The following PAK1 variants were observed in gnomAD, a reference collection of about 807,000 sequenced individuals.
PAK1 encodes the protein serine/threonine-protein kinase PAK 1.
Under a neutral mutation model 67.4 loss-of-function variants are expected in PAK1, and 29 were observed. That is an observed-to-expected ratio of 0.43 (90% CI 0.32 to 0.59). The LOEUF (loss-of-function observed/expected upper bound fraction) is 0.59. Among genes scored for constraint, PAK1 ranks in the 20% least tolerant of loss-of-function variants. The pLI is 0.07. For missense variants in PAK1, 337 were observed against 670.7 expected (o/e 0.50, Z 5.50); for synonymous variants, 223 against 237.4 (o/e 0.94, Z 0.56).
At chr11:77,375,428 T>C (rs1196161610) in intron 4 of PAK1, among the ~76,000 whole-genome samples, 4 of 152,176 alleles carry the variant, frequency 2.6e-5, no homozygotes, top group African/African-American at 9.7e-5. Flanking sequence ...AGAGAGGTAT[T>C]GATCCTGTCA....
At chr11:77,430,586 G>T (rs1955814015) in intron 1 of PAK1, among the ~76,000 whole-genome samples, 1 of 152,138 alleles carries the variant, frequency 6.6e-6, no homozygotes, top group Non-Finnish European at 1.5e-5. Context: ...AAAACAAGTG[G>T]AATAGAGGAA....
chr11:77,410,528 A>G (rs1030608759), intron 1 of PAK1, among the ~76,000 whole-genome samples: 1 of 152,170 alleles, frequency 6.6e-6, no homozygotes, highest in Non-Finnish European at 1.5e-5. Context: ...GTAACCTACT[A>G]ATAATAAGAA....
intron 1 of PAK1, among the ~76,000 whole-genome samples, chr11:77,462,928 G>C (rs888717982): frequency 8.3e-6 from 1 of 120,884 alleles, no homozygotes; most frequent in Non-Finnish European, 1.6e-5. Context: ...CTCAATCAAA[G>C]TGCCTACTAT....
intron 1 of PAK1, among the ~76,000 whole-genome samples, chr11:77,461,556 A>G (rs1253915564): frequency 3.9e-5 from 6 of 152,244 alleles, no homozygotes; most frequent in Non-Finnish European, 7.3e-5. Flanking sequence ...AAATTTTACA[A>G]TGAAGACTAA....
chr11:77,504,463 G>C, the PAK1 span, among the ~76,000 whole-genome samples: 4 of 152,144 alleles, frequency 2.6e-5, no homozygotes, highest in Admixed American at 2.0e-4. Context: ...GAAAAGGCAG[G>C]AGTATTCTAA....
intron 8 of PAK1, among the ~76,000 whole-genome samples, chr11:77,350,280 C>T (rs990840532): frequency 2.6e-5 from 4 of 152,116 alleles, no homozygotes; most frequent in African/African-American, 4.8e-5. Flanking sequence ...TTCAAACATA[C>T]ATGCTCCCAG....
At chr11:77,503,944 T>C in the PAK1 span, among the ~76,000 whole-genome samples, 2 of 152,160 alleles carry the variant, frequency 1.3e-5, no homozygotes, top group Non-Finnish European at 2.9e-5. Context: ...CAGGCTGGAG[T>C]GCAGTGGCGC....
intron 1 of PAK1, among the ~76,000 whole-genome samples, chr11:77,405,674 GACAC>G (rs1555167119): frequency 0.058 from 7,302 of 125,832 alleles, 196 homozygotes; most frequent in Non-Finnish European, 0.066. Flanking sequence ...CAGACAGACA[GACAC>G]ACACACACAC....
At chr11:77,474,163 C>T (rs1344646025), upstream of PAK1, 2 of 151,972 alleles carry the variant, frequency 1.3e-5, no homozygotes, top group Non-Finnish European at 2.9e-5. Context: ...CTCCTCCTCC[C>T]CTCTGCCCTT....
chr11:77,393,285 AAGAGAGAGAGAGAG>A (rs35216521), intron 1 of PAK1, among the ~76,000 whole-genome samples: 55 of 141,784 alleles, frequency 3.9e-4, no homozygotes, highest in African/African-American at 1.1e-3. Flanking sequence ...TAAAAAAAAA[AAGAGAGAGAGAGAG>A]AGAGAGAGAG....
At chr11:77,365,372 A>C (rs1286957716) in intron 5 of PAK1, among the ~76,000 whole-genome samples, 1 of 151,626 alleles carries the variant, frequency 6.6e-6, no homozygotes, top group Non-Finnish European at 1.5e-5. Context: ...GCTGTGGAAC[A>C]ACATAAAGCA....
At chr11:77,392,824 T>G (rs1454893400) in intron 1 of PAK1, among the ~76,000 whole-genome samples, 1 of 152,188 alleles carries the variant, frequency 6.6e-6, no homozygotes, top group Admixed American at 6.5e-5. Flanking sequence ...AAGCAGAAAT[T>G]TGGCCTAGCA....
At chr11:77,510,888 T>C in the PAK1 span, among the ~76,000 whole-genome samples, 1 of 152,238 alleles carries the variant, frequency 6.6e-6, no homozygotes, top group African/African-American at 2.4e-5. Flanking sequence ...TTCCTCTGAG[T>C]GATCTCCCCT....
At chr11:77,395,588 A>ATG (rs1420415147) in intron 1 of PAK1, among the ~76,000 whole-genome samples, 1 of 151,900 alleles carries the variant, frequency 6.6e-6, no homozygotes, top group East Asian at 1.9e-4. Context: ...TTATTTACTT[A>ATG]TACACACACA....
chr11:77,362,600 A>G (rs927352449), intron 5 of PAK1, among the ~76,000 whole-genome samples: 1 of 152,142 alleles, frequency 6.6e-6, no homozygotes. Flanking sequence ...TAATTCTCTC[A>G]CTTTCCTCAG....
chr11:77,433,228 T>A (rs1472358796), intron 1 of PAK1, among the ~76,000 whole-genome samples: 1 of 152,182 alleles, frequency 6.6e-6, no homozygotes, highest in Non-Finnish European at 1.5e-5. Flanking sequence ...CTGTAAGAGC[T>A]AAAAGTATAA....
the PAK1 span, among the ~76,000 whole-genome samples, chr11:77,486,707 T>A: frequency 2.6e-5 from 4 of 152,164 alleles, no homozygotes; most frequent in Middle Eastern, 3.4e-3. Flanking sequence ...AGCAACACCA[T>A]CCAAAACTCA....
At chr11:77,390,571 A>C (rs530351686) in intron 2 of PAK1, among the ~76,000 whole-genome samples, 1 of 150,982 alleles carries the variant, frequency 6.6e-6, no homozygotes, top group African/African-American at 2.4e-5. Flanking sequence ...ATCACAGCTC[A>C]CTGCAGATTC....
At chr11:77,404,089 G>A (rs1953102554) in intron 1 of PAK1, among the ~76,000 whole-genome samples, 1 of 152,082 alleles carries the variant, frequency 6.6e-6, no homozygotes, top group Non-Finnish European at 1.5e-5. Context: ...GGACTTCCCA[G>A]CTCTAGAACT....
Sources: allele counts gnomAD v4.1 joint callset (sites outside exome capture counted in the v4.1 genomes callset), GRCh38; gene constraint gnomAD v4.1.1; transcripts MANE v1.5; gene names NCBI Gene and HGNC (gene_info 2026-07-23, HGNC 2026-07-21).